Variants in XIRP2 observed in about 807,000 individuals in gnomAD.
The protein encoded by XIRP2 is xin actin-binding repeat-containing protein 2.
XIRP2 carries 236 observed loss-of-function variants against 277.0 expected under a neutral mutation model. That is an observed-to-expected ratio of 0.85 (90% CI 0.77 to 0.95). XIRP2 has a LOEUF of 0.95. XIRP2 is among the 40% of genes least tolerant of loss of function. The probability of loss-of-function intolerance (pLI) is 0.00; values close to 1 mark genes in which losing one functional copy is unlikely to be tolerated. For missense variants in XIRP2, 4,640 were observed against 4,157.5 expected, an observed-to-expected ratio of 1.12 and a Z score of -3.19; for synonymous variants, 1,490 against 1,416.5, an observed-to-expected ratio of 1.05 and a Z score of -1.17.
chr2:167,145,582 A>G (rs937404790), intron 3 of XIRP2, among the ~76,000 whole-genome samples: 1 of 152,186 alleles, frequency 6.6e-6, no homozygotes, highest in South Asian at 2.1e-4. Context: ...AGATGTGGGA[A>G]AAGAGCATGT....
In XIRP2 at chr2:167,243,913, A is replaced by G; in HGVS notation, c.2521A>G (p.Lys841Glu). Reference protein sequence around the residue: ...EKIIGTDVSRKCWMFETQPLD... With the variant: ...EKIIGTDVSRECWMFETQPLD... ...AATAATAGGTACAGATGTCTCCAGA[A>G]AGTGTTGGATGTTTGAAACCCAGCC... is the stretch of plus-strand genomic sequence containing the variant. The change falls in exon 9 of 11, where the codon AAG becomes GAG. Residue 841 changes from lysine to glutamate, a missense_variant. Lys to Glu is a moderately conservative substitution (Grantham distance 56). Coordinates refer to ENST00000409195, the MANE Select transcript of XIRP2 (RefSeq NM_152381.6). The G allele has an allele frequency of 6.2e-7, 1 of 1,614,038 alleles. No individual in the cohort carries two copies. Among genetic ancestry groups the G allele is most frequent in the Non-Finnish European group, 8.5e-7 (1 of 1,179,938 alleles).
rs16853169 is a variant in XIRP2 at position 167,184,642 on chromosome 2, T to C, written c.563-26093T>C. 0.095 allele frequency: 68,328 copies of C among 716,532 alleles called. 3,835 individuals are homozygous for C. Among genetic ancestry groups the C allele is most frequent in the Middle Eastern group, 0.18 (799 of 4,356 alleles). The allele number at this position is 716,532 out of a possible 1,614,324, so 44.4% of individuals were successfully genotyped here. A position where few individuals can be genotyped will look rare whatever the true frequency, so the allele number is the denominator to read the frequency against. On this transcript the variant is annotated intron_variant, in intron 3 of 10. Coordinates refer to ENST00000409195, the MANE Select transcript of XIRP2 (RefSeq NM_152381.6). ...GCCTCAAATCCTCAACTTATATTTGTAAGGTTCTCGTCTTTCTTGAATTGT... is the reference window on the plus strand; with the variant it reads ...GCCTCAAATCCTCAACTTATATTTGCAAGGTTCTCGTCTTTCTTGAATTGT...
chr2:166,908,556 T>G (rs958509514), intron 2 of XIRP2, among the ~76,000 whole-genome samples: 9 of 152,168 alleles, frequency 5.9e-5, no homozygotes, highest in East Asian at 5.8e-4. Flanking sequence ...TTTCTCCCAT[T>G]CTGTAGGTTG....
At chr2:167,154,328 G>C (rs1455695626) in intron 3 of XIRP2, among the ~76,000 whole-genome samples, 2 of 151,144 alleles carry the variant, frequency 1.3e-5, no homozygotes, top group Non-Finnish European at 3.0e-5. Context: ...AGATGAGTAG[G>C]TTGTGAAAAT....
At chr2:167,228,757 A>T (rs915503995) in intron 5 of XIRP2, among the ~76,000 whole-genome samples, 1 of 152,088 alleles carries the variant, frequency 6.6e-6, no homozygotes, top group African/African-American at 2.4e-5. Flanking sequence ...TCTTTCTACG[A>T]TTCATTTTAC....
chr2:167,022,192 A>T (rs1200999590), intron 2 of XIRP2, among the ~76,000 whole-genome samples: 1 of 152,116 alleles, frequency 6.6e-6, no homozygotes, highest in Admixed American at 6.6e-5. Context: ...ATACATTGTA[A>T]TGTATGAAAT....
At chr2:166,972,104 A>G (rs1436929468) in intron 2 of XIRP2, among the ~76,000 whole-genome samples, 2 of 152,100 alleles carry the variant, frequency 1.3e-5, no homozygotes, top group Non-Finnish European at 2.9e-5. Flanking sequence ...TAATGGGACT[A>G]GTGCCTTTAT....
chr2:166,994,722 A>T (rs1269324424), intron 2 of XIRP2, among the ~76,000 whole-genome samples: 1 of 151,664 alleles, frequency 6.6e-6, no homozygotes, highest in Non-Finnish European at 1.5e-5. Context: ...TTTGAGTAAG[A>T]TCTAAAGGTG....
intron 4 of XIRP2, among the ~76,000 whole-genome samples, chr2:167,214,476 CAA>C (rs569699283): frequency 0.16 from 13,305 of 84,476 alleles, 787 homozygotes; most frequent in African/African-American, 0.23. Flanking sequence ...GACTCCATCT[CAA>C]AAAAAAAAAA....
chr2:167,246,448 G>C lies in XIRP2; in HGVS notation c.5056G>C (p.Asp1686His). ...GILIQEDEKG[D>H]INMTIYCLLH... ...CTTAATTCAGGAAGATGAAAAAGGA[G>C]ATATTAACATGACTATCTATTGTCT... The change falls in exon 9 of 11, where the codon GAT becomes CAT. Residue 1686 changes from aspartate to histidine, a missense_variant. Transcript: ENST00000409195. 1 of 1,613,740 alleles carries C rather than the reference G, an allele frequency of 6.2e-7. No homozygotes were observed. Among genetic ancestry groups the C allele is most frequent in the Non-Finnish European group, 8.5e-7 (1 of 1,179,806 alleles).
intron 1 of XIRP2, among the ~76,000 whole-genome samples, chr2:166,902,297 A>G (rs538262523): frequency 6.6e-6 from 1 of 152,190 alleles, no homozygotes; most frequent in East Asian, 1.9e-4. Flanking sequence ...ATGAACACAA[A>G]GTTTGTTTCT....
chr2:166,986,557 T>A (rs760875739), intron 2 of XIRP2, among the ~76,000 whole-genome samples: 7 of 152,248 alleles, frequency 4.6e-5, no homozygotes, highest in Non-Finnish European at 8.8e-5. Flanking sequence ...CCAGTTATTA[T>A]CTGCCTTTAG....
chr2:167,162,837 A>G (rs941497073), intron 3 of XIRP2, among the ~76,000 whole-genome samples: 1 of 152,164 alleles, frequency 6.6e-6, no homozygotes, highest in Non-Finnish European at 1.5e-5. Context: ...CCAGCCCAGA[A>G]GTCCAGAAGT....
chr2:167,258,434 G>T lies in XIRP2; in HGVS notation c.*617G>T. 6.2e-7 allele frequency: 1 copy of T among 1,613,282 alleles called. No homozygotes were observed. Among genetic ancestry groups the T allele is most frequent in the Non-Finnish European group, 8.5e-7 (1 of 1,179,694 alleles). ...GAAAATGCCTGAAGGAAGAAAAGAT[G>T]AAAAGAAGGAAGGAAGGAAGAATGT... On this transcript the variant is annotated 3_prime_UTR_variant, in exon 11 of 11. Coordinates refer to ENST00000409195, the MANE Select transcript of XIRP2 (RefSeq NM_152381.6).
chr2:166,911,624 T>G (rs1240894632), intron 2 of XIRP2, among the ~76,000 whole-genome samples: 1 of 152,202 alleles, frequency 6.6e-6, no homozygotes, highest in Non-Finnish European at 1.5e-5. Flanking sequence ...AGGTTAATAT[T>G]GTTATGTGTG....
intron 3 of XIRP2, among the ~76,000 whole-genome samples, chr2:167,205,348 A>G (rs1693825410): frequency 6.6e-6 from 1 of 152,224 alleles, no homozygotes; most frequent in African/African-American, 2.4e-5. Flanking sequence ...GATTACTTAT[A>G]CAAACCTTAT....
intron 1 of XIRP2, among the ~76,000 whole-genome samples, chr2:166,893,128 T>G (rs1282982346): frequency 6.6e-6 from 1 of 151,822 alleles, no homozygotes; most frequent in Non-Finnish European, 1.5e-5. Context: ...TTACCTTCAG[T>G]GGTCATTCTC....
In XIRP2 at chr2:167,251,708, C is replaced by T. The variant is rs751251995; in HGVS notation, c.10316C>T (p.Ser3439Leu). The T allele has an allele frequency of 6.2e-6, 10 of 1,613,352 alleles. No homozygotes were observed. Among genetic ancestry groups the T allele is most frequent in the Non-Finnish European group, 7.6e-6 (9 of 1,179,600 alleles). The part of the protein sequence containing the change: ...IVESKMKTSS[S>L]HSSEAGKSGC... ...GAGTCGAAGATGAAAACCTCTTCAT[C>T]ACATAGCTCAGAAGCTGGCAAATCT... Residue 3439 changes from serine to leucine, a missense_variant, in exon 9 of 11, where the codon TCA becomes TTA. Coordinates refer to ENST00000409195, the MANE Select transcript of XIRP2 (RefSeq NM_152381.6).
chr2:167,231,185 T>A (rs1362838453), intron 5 of XIRP2, among the ~76,000 whole-genome samples: 1 of 152,020 alleles, frequency 6.6e-6, no homozygotes, highest in Non-Finnish European at 1.5e-5. Context: ...TCCTTCTTAT[T>A]TGGATTTTAT....
Sources: allele counts gnomAD v4.1 joint callset (sites outside exome capture counted in the v4.1 genomes callset), GRCh38; gene constraint gnomAD v4.1.1; transcripts MANE v1.5; gene names NCBI Gene and HGNC (gene_info 2026-07-23, HGNC 2026-07-21).